The following LMNA variants were observed in gnomAD, a reference collection of about 807,000 sequenced individuals.
The protein encoded by LMNA is lamin.
A neutral mutation model predicts 70.4 loss-of-function variants in LMNA; 20 were observed. The observed-to-expected ratio is 0.28, with a 90% CI of 0.20 to 0.41. The LOEUF (loss-of-function observed/expected upper bound fraction) is 0.41, where lower values mean the gene tolerates loss of function less well. Among genes scored for constraint, LMNA ranks in the 10% least tolerant of loss-of-function variants. The pLI is 1.00. For missense variants in LMNA, 652 were observed against 917.2 expected (o/e 0.71, Z 3.73); for synonymous variants, 339 against 372.8 (o/e 0.91, Z 1.04).
chr1:156,131,122 T>A (rs945227585), intron 2 of LMNA, among the ~76,000 whole-genome samples: 1 of 151,976 alleles, frequency 6.6e-6, no homozygotes, highest in African/African-American at 2.4e-5. Flanking sequence ...ATACAAAAAA[T>A]TAGCCTGGCA....
At chr1:156,086,172 G>A (rs1420856453) in intron 2 of LMNA, among the ~76,000 whole-genome samples, 1 of 152,226 alleles carries the variant, frequency 6.6e-6, no homozygotes, top group Non-Finnish European at 1.5e-5. Flanking sequence ...GCCAGATTGT[G>A]GTCTTCATGA....
In LMNA at chr1:156,115,214, G is replaced by T; in HGVS notation, c.296G>T (p.Arg99Leu). Reference sequence around the variant, plus strand: ...ACCCTTGACTCAGTAGCCAAGGAGCGCGCCCGCCTGCAGCTGGAGCTGAGC... The same window carrying T: ...ACCCTTGACTCAGTAGCCAAGGAGCTCGCCCGCCTGCAGCTGGAGCTGAGC... ...RKTLDSVAKERARLQLELSKV... is the reference protein window; with the variant it reads ...RKTLDSVAKELARLQLELSKV... Residue 99 changes from arginine to leucine, a missense_variant, in exon 1 of 12, where the codon CGC (arginine) becomes CTC (leucine). Transcript: ENST00000368300. The surrounding 1 kb of genome is among the most constrained non-coding windows in gnomAD (Gnocchi z 5.8). The T allele has an allele frequency of 6.2e-7, 1 of 1,612,782 alleles. No homozygotes were observed.
intron 3 of LMNA, chr1:156,090,982 T>C (rs938522019): frequency 6.6e-6 from 1 of 152,268 alleles, no homozygotes; most frequent in Non-Finnish European, 1.5e-5. Context: ...GGCTCCATGC[T>C]CGGCTTGCTT....
intron 2 of LMNA, among the ~76,000 whole-genome samples, chr1:156,089,300 AT>A (rs1648601789): frequency 6.6e-6 from 1 of 151,166 alleles, no homozygotes. Context: ...TTATTTATTT[AT>A]TTATTTATTT....
upstream of LMNA, chr1:156,114,682 T>C: frequency 3.7e-6 from 2 of 538,810 alleles, no homozygotes; most frequent in Non-Finnish European, 6.5e-6. Flanking sequence ...GAGGACCTAT[T>C]AGAGCCTTTG....
chr1:156,092,257 C>T (rs1485003878), intron 3 of LMNA, among the ~76,000 whole-genome samples: 12 of 151,966 alleles, frequency 7.9e-5, no homozygotes, highest in Admixed American at 7.9e-4. Flanking sequence ...TGGTGAGTTG[C>T]TCTTGTAGTC....
chr1:156,134,080 G>A lies in LMNA; in HGVS notation c.514-323G>A, dbSNP rs1383125756. Among the ~76,000 whole-genome samples, 5 of 152,136 alleles carry A rather than the reference G, an allele frequency of 3.3e-5. No homozygotes were observed. The highest frequency in any genetic ancestry group is 6.5e-5 in the Admixed American group (1 of 15,276). ...CACCCAGGCTGGAGTGCAGTAGTGC[G>A]ATCTCGGCTCACTGCAACCTCCACC... On this transcript the variant is annotated intron_variant, in intron 2 of 11. Transcript: ENST00000368300. The surrounding 1 kb of genome is among the most constrained non-coding windows in gnomAD (Gnocchi z 5.3).
chr1:156,119,779 G>T (rs571837559), intron 1 of LMNA, among the ~76,000 whole-genome samples: 31 of 151,992 alleles, frequency 2.0e-4, no homozygotes, highest in Non-Finnish European at 3.7e-4. Flanking sequence ...AGGAGACAGG[G>T]TGGAGACAGC....
chr1:156,126,548 C>T, intron 1 of LMNA: 1 of 755,800 alleles, frequency 1.3e-6, no homozygotes, highest in South Asian at 1.4e-5. Context: ...TGGTGCCTTT[C>T]TTCCCCAAAC....
chr1:156,091,401 G>C (rs1172732421), intron 3 of LMNA, among the ~76,000 whole-genome samples: 1 of 152,162 alleles, frequency 6.6e-6, no homozygotes, highest in Non-Finnish European at 1.5e-5. Flanking sequence ...TGGGGAGTTC[G>C]AGACCAGCCT....
chr1:156,122,053 C>T (rs1390677165), intron 1 of LMNA, among the ~76,000 whole-genome samples: 3 of 151,890 alleles, frequency 2.0e-5, no homozygotes, highest in Non-Finnish European at 2.9e-5. Flanking sequence ...TGCAGTGAGC[C>T]GAGATCACGC....
intron 3 of LMNA, among the ~76,000 whole-genome samples, chr1:156,104,229 C>G (rs11264438): frequency 0.31 from 46,851 of 152,076 alleles, 9,655 homozygotes; most frequent in East Asian, 0.72. Flanking sequence ...CCTCCCAGCT[C>G]GGGTGGGGAG....
At chr1:156,129,968 C>T (rs1650903124) in intron 1 of LMNA, 1 of 721,484 alleles carries the variant, frequency 1.4e-6, no homozygotes, top group African/African-American at 1.7e-5. Context: ...GCAGGGACCC[C>T]TCTGTTCAGT....
intron 2 of LMNA, among the ~76,000 whole-genome samples, chr1:156,086,640 CTTCCTTTTTT>C (rs941808865): frequency 6.6e-6 from 1 of 152,120 alleles, no homozygotes; most frequent in African/African-American, 2.4e-5. Context: ...ATCCCTTCTT[CTTCCTTTTTT>C]TTCCTTTTGA....
intron 1 of LMNA, among the ~76,000 whole-genome samples, chr1:156,118,192 G>A (rs1176095612): frequency 1.3e-5 from 2 of 152,120 alleles, no homozygotes; most frequent in East Asian, 3.8e-4. Flanking sequence ...AAGCAAGGAA[G>A]GGGAGACCCA....
chr1:156,115,533 G>A lies in LMNA; in HGVS notation c.356+259G>A, dbSNP rs1649768806. On this transcript the variant is annotated intron_variant, in intron 1 of 11. Transcript: ENST00000368300. The surrounding 1 kb of genome is among the most constrained non-coding windows in gnomAD (Gnocchi z 5.8). ...GGAATGGTGGGGGTATCAGGGACAA[G>A]TTGGGGCTGGGGCCGGCCTGAATTC... is the stretch of plus-strand genomic sequence containing the variant. 6.6e-6 allele frequency among the ~76,000 whole-genome samples: 1 copy of A among 152,174 alleles called. No individual in the cohort carries two copies. Among genetic ancestry groups the A allele is most frequent in the African/African-American group, 2.4e-5 (1 of 41,438 alleles).
chr1:156,088,253 C>G (rs1433973115), intron 2 of LMNA, among the ~76,000 whole-genome samples: 8 of 152,182 alleles, frequency 5.3e-5, no homozygotes, highest in Admixed American at 5.2e-4. Context: ...AGAGTCCAGA[C>G]AGTTTTCTCT....
chr1:156,139,241 TA>T lies in LMNA; in HGVS notation c.*136del. 6.7e-7 allele frequency: 1 copy of T among 1,486,444 alleles called. No homozygotes were observed. 92.1% of individuals were successfully genotyped at this position (1,486,444 alleles called of 1,614,324 possible). On this transcript the variant is annotated 3_prime_UTR_variant, in exon 12 of 12. Transcript: ENST00000368300. ...ATAACCCTTTGGTTTTTTTCTTCTGTATTTTTTTTTCTAAGAGAAGTTATTT... is the reference window on the plus strand; with the variant it reads ...ATAACCCTTTGGTTTTTTTCTTCTGTTTTTTTTTTCTAAGAGAAGTTATTT...
upstream of LMNA, among the ~76,000 whole-genome samples, chr1:156,110,773 C>G (rs1457459938): frequency 6.6e-6 from 1 of 151,384 alleles, no homozygotes; most frequent in Admixed American, 6.6e-5. Context: ...GTCAGGAGTT[C>G]GAGACCAGCC....
Sources: allele counts gnomAD v4.1 joint callset (sites outside exome capture counted in the v4.1 genomes callset), GRCh38; gene constraint gnomAD v4.1.1; non-coding constraint Gnocchi (gnomAD v3.1); transcripts MANE v1.5; gene names NCBI Gene and HGNC (gene_info 2026-07-23, HGNC 2026-07-21).